CSNK1G3: variants seen among roughly 807,000 people sequenced by gnomAD.
CSNK1G3 encodes casein kinase I isoform gamma-3.
In CSNK1G3, 23 loss-of-function variants were observed where a neutral mutation model predicts 64.3. The observed-to-expected ratio is 0.36, with a 90% CI of 0.26 to 0.51. The LOEUF (loss-of-function observed/expected upper bound fraction) is 0.51. Among genes scored for constraint, CSNK1G3 ranks in the 20% least tolerant of loss-of-function variants. The probability of loss-of-function intolerance (pLI) is 0.96; values close to 1 mark genes in which losing one functional copy is unlikely to be tolerated. For synonymous variants in CSNK1G3, 158 were observed against 162.2 expected (o/e 0.97, Z 0.20); for missense variants, 357 against 510.5 (o/e 0.70, Z 2.90).
At chr5:123,512,488 C>G (rs1223017292) in exon 1 of CSNK1G3, 2 of 152,186 alleles carry the variant, frequency 1.3e-5, no homozygotes, top group East Asian at 3.9e-4. Context: ...TGTGCCGCCG[C>G]CGCTGCCCCC....
intron 1 of CSNK1G3, among the ~76,000 whole-genome samples, chr5:123,518,595 C>T (rs1044488328): frequency 6.6e-6 from 1 of 152,226 alleles, no homozygotes; most frequent in Non-Finnish European, 1.5e-5. Context: ...TTGCATAAGC[C>T]TACCAACATA....
At chr5:123,547,449 C>CTGTGTG (rs556414583) in intron 2 of CSNK1G3, among the ~76,000 whole-genome samples, 2 of 150,410 alleles carry the variant, frequency 1.3e-5, no homozygotes, top group African/African-American at 2.4e-5. Context: ...AGGTATGTGT[C>CTGTGTG]TGTGTGTGTG....
chr5:123,592,069 G>C (rs1290990335), intron 10 of CSNK1G3, among the ~76,000 whole-genome samples: 1 of 151,922 alleles, frequency 6.6e-6, no homozygotes, highest in Non-Finnish European at 1.5e-5. Flanking sequence ...TATTTAAAAA[G>C]AGAATAAGCT....
chr5:123,571,348 G>A (rs4836023), intron 4 of CSNK1G3, among the ~76,000 whole-genome samples: 91,299 of 151,834 alleles, frequency 0.6, 28,622 homozygotes, highest in African/African-American at 0.78. Context: ...CAGTGGCGCA[G>A]TCCCGGCTCA....
At chr5:123,609,019 G>A (rs867028063) in intron 12 of CSNK1G3, among the ~76,000 whole-genome samples, 1 of 152,148 alleles carries the variant, frequency 6.6e-6, no homozygotes, top group Non-Finnish European at 1.5e-5. Flanking sequence ...GATTTGGCAA[G>A]GGAAATGGAT....
chr5:123,583,210 A>G (rs1469491636), intron 6 of CSNK1G3, among the ~76,000 whole-genome samples: 1 of 152,178 alleles, frequency 6.6e-6, no homozygotes. Context: ...TAGTATTTTA[A>G]GTTTTTTAAA....
At chr5:123,586,090 C>T (rs559912874) in intron 6 of CSNK1G3, among the ~76,000 whole-genome samples, 2 of 152,270 alleles carry the variant, frequency 1.3e-5, no homozygotes, top group East Asian at 3.9e-4. Context: ...TACTACTCAG[C>T]ATTAAAAAGT....
intron 10 of CSNK1G3, among the ~76,000 whole-genome samples, chr5:123,603,453 G>A (rs937939926): frequency 2.0e-5 from 3 of 151,936 alleles, no homozygotes; most frequent in East Asian, 1.9e-4. Context: ...TATTCTCTGC[G>A]AGACATAGCA....
intron 1 of CSNK1G3, among the ~76,000 whole-genome samples, chr5:123,520,599 T>C (rs1306391214): frequency 6.6e-6 from 1 of 152,020 alleles, no homozygotes; most frequent in Non-Finnish European, 1.5e-5. Flanking sequence ...CTCAAATGTA[T>C]TGATACTTTG....
intron 12 of CSNK1G3, among the ~76,000 whole-genome samples, chr5:123,611,970 A>C (rs546896512): frequency 1.4e-4 from 21 of 152,338 alleles, no homozygotes; most frequent in African/African-American, 4.6e-4. Flanking sequence ...AATATTAGGT[A>C]GCTGACAGTT....
At chr5:123,580,097 G>A (rs1789962194) in intron 6 of CSNK1G3, among the ~76,000 whole-genome samples, 2 of 151,906 alleles carry the variant, frequency 1.3e-5, no homozygotes, top group South Asian at 4.1e-4. Flanking sequence ...AAAAGGAGCA[G>A]AGAAAACATG....
intron 1 of CSNK1G3, among the ~76,000 whole-genome samples, chr5:123,526,493 A>G (rs1462143156): frequency 1.3e-5 from 2 of 152,126 alleles, no homozygotes; most frequent in Admixed American, 6.5e-5. Context: ...TTTATATTAA[A>G]TAGTTTTTCT....
At chr5:123,613,631 C>T (rs1262631159) in intron 12 of CSNK1G3, among the ~76,000 whole-genome samples, 2 of 152,056 alleles carry the variant, frequency 1.3e-5, no homozygotes, top group African/African-American at 4.8e-5. Flanking sequence ...CTCGGCCTCT[C>T]AAAGTGCTGG....
intron 6 of CSNK1G3, among the ~76,000 whole-genome samples, chr5:123,579,374 G>C (rs1789815123): frequency 6.6e-6 from 1 of 151,160 alleles, no homozygotes; most frequent in Non-Finnish European, 1.5e-5. Flanking sequence ...TATGTTCAGG[G>C]AGTAGCTTTC....
chr5:123,554,659 C>A (rs1784303141), intron 3 of CSNK1G3, among the ~76,000 whole-genome samples: 1 of 152,206 alleles, frequency 6.6e-6, no homozygotes, highest in African/African-American at 2.4e-5. Flanking sequence ...TGCTGACTTT[C>A]ATTTCTTTGA....
intron 12 of CSNK1G3, among the ~76,000 whole-genome samples, chr5:123,607,315 C>A (rs1795525920): frequency 6.6e-6 from 1 of 152,116 alleles, no homozygotes; most frequent in Non-Finnish European, 1.5e-5. Context: ...CTTCCCACTT[C>A]TTGAAACTTA....
At chr5:123,554,579 G>A (rs556531389) in intron 3 of CSNK1G3, among the ~76,000 whole-genome samples, 24 of 152,230 alleles carry the variant, frequency 1.6e-4, no homozygotes, top group African/African-American at 5.3e-4. Flanking sequence ...CGCCTGCCTC[G>A]GCCTCCCAAA....
chr5:123,543,520 T>C (rs1391094570), intron 1 of CSNK1G3, among the ~76,000 whole-genome samples: 1 of 152,150 alleles, frequency 6.6e-6, no homozygotes, highest in Admixed American at 6.6e-5. Flanking sequence ...ACCACTCCAC[T>C]GCAAAACTCC....
intron 6 of CSNK1G3, among the ~76,000 whole-genome samples, chr5:123,582,701 C>A (rs1384514275): frequency 6.6e-6 from 1 of 152,056 alleles, no homozygotes; most frequent in African/African-American, 2.4e-5. Flanking sequence ...TCAAACAGGC[C>A]TTTGTAGTTA....
Sources: gnomAD v4.1 joint callset for allele counts (sites outside exome capture counted in the v4.1 genomes callset) on GRCh38, gnomAD v4.1.1 for gene constraint, MANE v1.5 for transcripts, NCBI Gene and HGNC (gene_info 2026-07-23, HGNC 2026-07-21) for gene names.